Variants in USP13 observed in about 807,000 individuals in gnomAD.
USP13 encodes the protein ubiquitin specific peptidase 13, also known as ubiquitin carboxyl-terminal hydrolase 13.
Under a neutral mutation model 107.8 loss-of-function variants are expected in USP13, and 68 were observed. The ratio of observed to expected loss-of-function variants is 0.63; its 90% CI spans 0.52 to 0.77. The LOEUF (loss-of-function observed/expected upper bound fraction) is 0.77. Ranked by LOEUF, USP13 falls within the 30% of genes least tolerant of loss-of-function variation. The probability of loss-of-function intolerance (pLI) is 0.00; values close to 1 mark genes in which losing one functional copy is unlikely to be tolerated. For missense variants in USP13, 945 were observed against 1,093.3 expected, an observed-to-expected ratio of 0.86 and a Z score of 1.91; for synonymous variants, 377 against 389.5, an observed-to-expected ratio of 0.97 and a Z score of 0.38.
chr3:179,709,490 T>C (rs1470883416), intron 6 of USP13, among the ~76,000 whole-genome samples: 2 of 152,248 alleles, frequency 1.3e-5, no homozygotes, highest in African/African-American at 4.8e-5. Flanking sequence ...GGTGTTCACA[T>C]TCTCCGGGGG....
At chr3:179,674,233 G>A (rs1338886107) in intron 1 of USP13, among the ~76,000 whole-genome samples, 2 of 152,298 alleles carry the variant, frequency 1.3e-5, no homozygotes, top group East Asian at 1.9e-4. Flanking sequence ...TGCAGCCACA[G>A]CCAAGTGTGT....
intron 19 of USP13, among the ~76,000 whole-genome samples, chr3:179,766,628 T>G (rs974162131): frequency 1.3e-5 from 2 of 152,214 alleles, no homozygotes; most frequent in African/African-American, 4.8e-5. Flanking sequence ...CAAACACTTA[T>G]GTATGTCACT....
chr3:179,681,693 C>T (rs959833753), intron 1 of USP13, among the ~76,000 whole-genome samples, 185 bp from the exon 2 acceptor site: 1 of 152,040 alleles, frequency 6.6e-6, no homozygotes, highest in Non-Finnish European at 1.5e-5. Context: ...TGGAGTCTGT[C>T]CGGCTCTCTG....
At chr3:179,657,353 C>G (rs1720295814) in intron 1 of USP13, among the ~76,000 whole-genome samples, 1 of 151,708 alleles carries the variant, frequency 6.6e-6, no homozygotes, top group Non-Finnish European at 1.5e-5. Context: ...AGGATTGCAC[C>G]ACTGCACTCC....
At chr3:179,679,140 G>A (rs1042516042) in intron 1 of USP13, among the ~76,000 whole-genome samples, 1 of 152,050 alleles carries the variant, frequency 6.6e-6, no homozygotes, top group Non-Finnish European at 1.5e-5. Flanking sequence ...TTAGAAAATT[G>A]TTTAAGTTAA....
chr3:179,677,280 A>T (rs974145649), intron 1 of USP13, among the ~76,000 whole-genome samples: 3 of 151,290 alleles, frequency 2.0e-5, no homozygotes, highest in Non-Finnish European at 4.4e-5. Context: ...TTGAGAATTC[A>T]TGTCTGGTAT....
At chr3:179,725,459 A>G (rs548538762) in intron 8 of USP13, among the ~76,000 whole-genome samples, 4 of 152,316 alleles carry the variant, frequency 2.6e-5, no homozygotes, top group South Asian at 2.1e-4. Context: ...TGTCCTTTGA[A>G]TGGGACTGGC....
intron 11 of USP13, among the ~76,000 whole-genome samples, chr3:179,740,818 G>C (rs1483828726): frequency 6.6e-6 from 1 of 151,334 alleles, no homozygotes; most frequent in Non-Finnish European, 1.5e-5. Flanking sequence ...CCAGGCTAGA[G>C]TGCAGTGGCA....
chr3:179,675,536 T>TTTATTATTATTATTA (rs57851865), intron 1 of USP13, among the ~76,000 whole-genome samples: 66 of 146,358 alleles, frequency 4.5e-4, no homozygotes, highest in African/African-American at 5.8e-4. Context: ...TGTAACCTAT[T>TTTATTATTATTATTA]TTATTATTAT....
chr3:179,756,479 C>T (rs1471985346), intron 15 of USP13, among the ~76,000 whole-genome samples: 5 of 152,192 alleles, frequency 3.3e-5, no homozygotes, highest in Non-Finnish European at 5.9e-5. Flanking sequence ...CGCAGTGGTG[C>T]ATGCCTGTAA....
rs1295450875 is a variant in USP13, at chr3:179,785,431, T to G, written c.*1290T>G. 6.6e-6 allele frequency: 1 copy of G among 152,210 alleles called. No homozygotes were observed. The highest frequency in any genetic ancestry group is 1.5e-5 in the Non-Finnish European group (1 of 68,042). 9.4% of individuals were successfully genotyped at this position (152,210 alleles called of 1,614,324 possible). The stretch of plus-strand genomic sequence containing the variant: ...ATTTTAGTTGCAACCTGGGATTAGA[T>G]TAGAGTTTCCAACGTGATGAAAAGT... On this transcript the variant is annotated 3_prime_UTR_variant, in exon 21 of 21. Coordinates refer to ENST00000263966, the MANE Select transcript of USP13 (RefSeq NM_003940.3).
At chr3:179,708,594 G>A (rs972510150) in intron 5 of USP13, among the ~76,000 whole-genome samples, 179 bp from the exon 6 acceptor site, 1 of 152,174 alleles carries the variant, frequency 6.6e-6, no homozygotes, top group Non-Finnish European at 1.5e-5. Flanking sequence ...GGGGTTACAG[G>A]CGTGAACCAC....
chr3:179,671,391 T>TA (rs1363430828), intron 1 of USP13, among the ~76,000 whole-genome samples: 2 of 152,094 alleles, frequency 1.3e-5, no homozygotes, highest in Non-Finnish European at 2.9e-5. Context: ...ATATTTTAAT[T>TA]AAAAAATGAA....
In USP13 at chr3:179,721,333, A is replaced by G; in HGVS notation, c.901-69A>G. On this transcript the variant is annotated intron_variant, in intron 7 of 20. Transcript: ENST00000263966. This position sits in a 1 kb window ranked among gnomAD's most constrained non-coding sequence, Gnocchi z 4.3. ...GAAACATCCTATGCTGTTAGAAATA[A>G]TTAACGGGACATGACCTTTGAATGG... 2.0e-6 allele frequency: 3 copies of G among 1,519,130 alleles called. No individual in the cohort carries two copies. Among genetic ancestry groups the G allele is most frequent in the East Asian group, 2.3e-5 (1 of 43,868 alleles). The allele number at this position is 1,519,130 out of a possible 1,614,324, so 94.1% of individuals were successfully genotyped here.
chr3:179,686,205 C>G (rs780967729), intron 2 of USP13, among the ~76,000 whole-genome samples: 11 of 152,100 alleles, frequency 7.2e-5, no homozygotes, highest in Non-Finnish European at 1.3e-4. Flanking sequence ...CCTTGGTATC[C>G]TCATCATACT....
At chr3:179,776,423 A>T (rs977359508) in intron 19 of USP13, among the ~76,000 whole-genome samples, 8 of 152,206 alleles carry the variant, frequency 5.3e-5, no homozygotes, top group Admixed American at 6.5e-5. Flanking sequence ...CTTTTTAAAC[A>T]GTCCTTTCTC....
Position 179,653,085 on chromosome 3 carries a change from T to A in USP13, c.-141T>A. ...TGCCCGCTCCCGCCCCGCAGCCCGC[T>A]CTCCCCGCCCGCCCCGGCTCGGCCG... On this transcript the variant is annotated 5_prime_UTR_variant, in exon 1 of 21. Coordinates refer to ENST00000263966, the MANE Select transcript of USP13 (RefSeq NM_003940.3). This position sits in a 1 kb window ranked among gnomAD's most constrained non-coding sequence, Gnocchi z 4.0. 1.4e-6 allele frequency: 1 copy of A among 723,922 alleles called. No individual in the cohort carries two copies. Among genetic ancestry groups the A allele is most frequent in the Non-Finnish European group, 1.7e-6 (1 of 593,480 alleles). The allele number at this position is 723,922 out of a possible 1,614,324, so 44.8% of individuals were successfully genotyped here. A position where few individuals can be genotyped will look rare whatever the true frequency, so the allele number is the denominator to read the frequency against.
At chr3:179,701,892 C>T (rs1327262021) in intron 4 of USP13, among the ~76,000 whole-genome samples, 2 of 152,198 alleles carry the variant, frequency 1.3e-5, no homozygotes, top group African/African-American at 4.8e-5. Context: ...TCGATTCTCG[C>T]GTGCTGGAAG....
chr3:179,673,490 G>C (rs1576915420), intron 1 of USP13, among the ~76,000 whole-genome samples: 1 of 152,204 alleles, frequency 6.6e-6, no homozygotes, highest in South Asian at 2.1e-4. Context: ...GTGTATTTCA[G>C]CTTCTAAAGG....
Sources: allele counts gnomAD v4.1 joint callset (sites outside exome capture counted in the v4.1 genomes callset), GRCh38; gene constraint gnomAD v4.1.1; non-coding constraint Gnocchi (gnomAD v3.1); transcripts MANE v1.5; gene names NCBI Gene and HGNC (gene_info 2026-07-23, HGNC 2026-07-21).